The following NBAS variants were observed in gnomAD, a reference collection of about 807,000 sequenced individuals.
The protein encoded by NBAS is NAG/BC035112 fusion.
In NBAS, 219 loss-of-function variants were observed where a neutral mutation model predicts 302.5. That is an observed-to-expected ratio of 0.72 (90% CI 0.65 to 0.81). NBAS has a LOEUF of 0.81. NBAS is among the 30% of genes least tolerant of loss of function. The probability of loss-of-function intolerance (pLI) is 0.00; values close to 1 mark genes in which losing one functional copy is unlikely to be tolerated. For synonymous variants in NBAS, 1,118 were observed against 1,021.6 expected (o/e 1.09, Z -1.80); for missense variants, 2,932 against 2,841.6 (o/e 1.03, Z -0.72).
chr2:14,829,374 C>A, the NBAS span, among the ~76,000 whole-genome samples: 1 of 152,050 alleles, frequency 6.6e-6, no homozygotes, highest in African/African-American at 2.4e-5. Flanking sequence ...ACAGCTAGTA[C>A]CAATCTTCTC....
chr2:14,924,344 T>C, the NBAS span, among the ~76,000 whole-genome samples: 1 of 152,376 alleles, frequency 6.6e-6, no homozygotes, highest in South Asian at 2.1e-4. Flanking sequence ...TTTGAAAGTC[T>C]GCTTCAGAAT....
intron 31 of NBAS, among the ~76,000 whole-genome samples, chr2:15,374,266 T>C (rs1674627483): frequency 6.6e-6 from 1 of 152,178 alleles, no homozygotes; most frequent in South Asian, 2.1e-4. Flanking sequence ...AATACAGAAA[T>C]TGTAGATCAA....
chr2:14,813,897 G>C, the NBAS span, among the ~76,000 whole-genome samples: 15 of 152,212 alleles, frequency 9.9e-5, no homozygotes, highest in African/African-American at 2.9e-4. Context: ...GAAAAAATTT[G>C]GGGGGGCCAG....
chr2:15,136,330 T>A, the NBAS span, among the ~76,000 whole-genome samples: 80 of 152,316 alleles, frequency 5.3e-4, no homozygotes, highest in African/African-American at 1.9e-3. Context: ...ATTGTCCTTA[T>A]GAAATGGCAA....
At chr2:15,242,905 C>G (rs1667928541) in intron 44 of NBAS, among the ~76,000 whole-genome samples, 2 of 151,870 alleles carry the variant, frequency 1.3e-5, no homozygotes, top group African/African-American at 4.8e-5. Context: ...TTTCCAAGAC[C>G]TGTAAAAAAT....
At chr2:15,130,522 T>A in the NBAS span, among the ~76,000 whole-genome samples, 1 of 152,170 alleles carries the variant, frequency 6.6e-6, no homozygotes, top group South Asian at 2.1e-4. Flanking sequence ...CTGTCTCACC[T>A]CATCTTTACA....
At chr2:15,419,540 C>T (rs556922344) in intron 23 of NBAS, among the ~76,000 whole-genome samples, 5 of 152,126 alleles carry the variant, frequency 3.3e-5, no homozygotes, top group South Asian at 4.1e-4. Context: ...TTCCCACCTC[C>T]GCAACAGAGC....
chr2:15,411,319 C>T (rs1676676331), intron 25 of NBAS, among the ~76,000 whole-genome samples: 1 of 152,200 alleles, frequency 6.6e-6, no homozygotes, highest in African/African-American at 2.4e-5. Flanking sequence ...CAAGTAGCCA[C>T]TCCCTCCTTC....
At chr2:15,461,943 C>T (rs1467449553) in intron 19 of NBAS, 152 bp from the exon 20 acceptor site, 5 of 598,788 alleles carry the variant, frequency 8.4e-6, no homozygotes, top group African/African-American at 1.9e-5. Flanking sequence ...TAAAGTACTA[C>T]ATCTGCATTA....
chr2:15,518,454 A>T (rs569767243), intron 9 of NBAS, among the ~76,000 whole-genome samples: 285 of 152,300 alleles, frequency 1.9e-3, no homozygotes, highest in Non-Finnish European at 2.9e-3. Flanking sequence ...TATACAGAAT[A>T]TTTGACTTTT....
intron 22 of NBAS, among the ~76,000 whole-genome samples, chr2:15,425,092 G>A (rs190085828): frequency 8.7e-4 from 133 of 152,108 alleles, no homozygotes; most frequent in African/African-American, 2.8e-3. Context: ...GGCTAACCTC[G>A]TGGGGATTGC....
intron 38 of NBAS, among the ~76,000 whole-genome samples, chr2:15,316,571 TC>T (rs1198705658): frequency 6.6e-6 from 1 of 152,254 alleles, no homozygotes; most frequent in African/African-American, 2.4e-5. Context: ...AAGGAGATTC[TC>T]TCACCTGCCT....
intron 31 of NBAS, among the ~76,000 whole-genome samples, chr2:15,367,303 G>A (rs555445903): frequency 2.9e-4 from 44 of 152,182 alleles, no homozygotes; most frequent in Non-Finnish European, 5.6e-4. Context: ...TAGACAAAGG[G>A]TACTACGTAT....
the NBAS span, among the ~76,000 whole-genome samples, chr2:14,784,648 T>C: frequency 7.4e-3 from 1,122 of 152,326 alleles, 14 homozygotes; most frequent in African/African-American, 0.026. Flanking sequence ...GCGTTATTTC[T>C]GAGGGCTCTG....
rs200736344 is a variant in NBAS, at chr2:15,536,480, T to C, written c.585A>G (p.Ala195=). 3.1e-5 allele frequency: 50 copies of C among 1,613,496 alleles called. No homozygotes were observed. Among genetic ancestry groups the C allele is most frequent in the Non-Finnish European group, 3.0e-5 (35 of 1,179,882 alleles). ...TGACCAGGAGTTCTGCAGACCACTGTGCACTTGCTTTATATTCTAAAAATA... is the reference window on the plus strand; with the variant it reads ...TGACCAGGAGTTCTGCAGACCACTGCGCACTTGCTTTATATTCTAAAAATA... ...GLIFLEYKAS[A]QWSAELLVIN... Residue 195 remains alanine, a synonymous_variant, in exon 8 of 52, where the codon GCA becomes GCG. Transcript: ENST00000281513.
chr2:15,045,061 T>C, the NBAS span, among the ~76,000 whole-genome samples: 1 of 152,248 alleles, frequency 6.6e-6, no homozygotes, highest in African/African-American at 2.4e-5. Flanking sequence ...GATCAATTTC[T>C]AAATATGATT....
In NBAS at chr2:15,312,536, C is replaced by G. The variant is rs1157892344; in HGVS notation, c.4583-3289G>C. On this transcript the variant is annotated intron_variant, in intron 38 of 51. Coordinates refer to ENST00000281513, the MANE Select transcript of NBAS (RefSeq NM_015909.4). ...AAGTGATCCTCCTGCCTCGAATTCCCAAAGTGCTGGTATTACAGGCATGAG... is the reference window on the plus strand; with the variant it reads ...AAGTGATCCTCCTGCCTCGAATTCCGAAAGTGCTGGTATTACAGGCATGAG... 2.0e-5 allele frequency among the ~76,000 whole-genome samples: 3 copies of G among 152,148 alleles called. No homozygotes were observed. In the East Asian group the frequency reaches 5.8e-4, roughly 29 times the overall value.
At chr2:15,385,222 T>C (rs1450646033) in intron 28 of NBAS, among the ~76,000 whole-genome samples, 3 of 152,214 alleles carry the variant, frequency 2.0e-5, no homozygotes, top group African/African-American at 7.2e-5. Context: ...CTGGGTACAT[T>C]AACTCTTTAG....
At chr2:14,804,405 AT>A in the NBAS span, among the ~76,000 whole-genome samples, 1 of 152,224 alleles carries the variant, frequency 6.6e-6, no homozygotes, top group Non-Finnish European at 1.5e-5. Flanking sequence ...CATGTGCTAG[AT>A]AAGTTTCCTT....
Sources: allele counts gnomAD v4.1 joint callset (sites outside exome capture counted in the v4.1 genomes callset), GRCh38; gene constraint gnomAD v4.1.1; transcripts MANE v1.5; gene names NCBI Gene and HGNC (gene_info 2026-07-23, HGNC 2026-07-21).